Variants in VSIG10 observed in about 807,000 individuals in gnomAD.
The protein encoded by VSIG10 is V-set and immunoglobulin domain-containing protein 10.
Under a neutral mutation model 58.7 loss-of-function variants are expected in VSIG10, and 48 were observed. The observed-to-expected ratio is 0.82, with a 90% CI of 0.65 to 1.04. The LOEUF is 1.04. Among genes scored for constraint, VSIG10 ranks in the 50% least tolerant of loss-of-function variants. VSIG10 has a pLI of 0.00. For synonymous variants in VSIG10, 260 were observed against 267.1 expected (o/e 0.97, Z 0.26); for missense variants, 628 against 670.0 (o/e 0.94, Z 0.69).
rs781704754 is a variant in VSIG10 at position 118,103,658 on chromosome 12, C to T, written c.14G>A (p.Gly5Asp). Reference protein sequence around the residue: MAAGGSAPEPRVLVC... With the variant: MAAGDSAPEPRVLVC... Reference sequence around the variant, plus strand: ...GAGGACGCGGGGCTCGGGCGCACTGCCGCCTGCGGCCATCTCGCCCCAGAT... The same window carrying T: ...GAGGACGCGGGGCTCGGGCGCACTGTCGCCTGCGGCCATCTCGCCCCAGAT... The change falls in exon 1 of 9, where the codon GGC becomes GAC. Residue 5 changes from glycine (G) to aspartate (D), a missense_variant. Coordinates refer to ENST00000359236, the MANE Select transcript of VSIG10 (RefSeq NM_019086.6). 1.1e-5 allele frequency: 17 copies of T among 1,497,588 alleles called. No individual in the cohort carries two copies. Among genetic ancestry groups the T allele is most frequent in the Non-Finnish European group, 1.4e-5 (16 of 1,128,886 alleles). The allele number at this position is 1,497,588 out of a possible 1,614,324, so 92.8% of individuals were successfully genotyped here. A position where few individuals can be genotyped will look rare whatever the true frequency, so the allele number is the denominator to read the frequency against.
intron 2 of VSIG10, among the ~76,000 whole-genome samples, chr12:118,084,383 A>C (rs551675856): frequency 1.3e-5 from 2 of 152,202 alleles, no homozygotes; most frequent in African/African-American, 4.8e-5. Context: ...AAATGACTTC[A>C]GAATGCACCA....
intron 2 of VSIG10, among the ~76,000 whole-genome samples, chr12:118,087,077 G>GAA (rs112904270): frequency 4.8e-5 from 5 of 104,128 alleles, no homozygotes; most frequent in Non-Finnish European, 6.2e-5. Flanking sequence ...TTTAAAAATT[G>GAA]AAAAAAAAAA....
intron 2 of VSIG10, among the ~76,000 whole-genome samples, chr12:118,085,540 T>A (rs571520479): frequency 1.3e-5 from 2 of 152,242 alleles, no homozygotes; most frequent in South Asian, 4.1e-4. Context: ...AATGCATATA[T>A]AAGAGACAAT....
intron 1 of VSIG10, among the ~76,000 whole-genome samples, chr12:118,097,342 C>T (rs968878112): frequency 2.6e-5 from 4 of 152,084 alleles, no homozygotes; most frequent in Non-Finnish European, 5.9e-5. Flanking sequence ...GGCCGGGAGC[C>T]GTGGCTCATG....
intron 2 of VSIG10, among the ~76,000 whole-genome samples, chr12:118,086,861 A>G (rs916863849): frequency 4.6e-5 from 7 of 152,162 alleles, no homozygotes; most frequent in Non-Finnish European, 4.4e-5. Flanking sequence ...CCTGGGTTCA[A>G]ATGATTCTCC....
chr12:118,089,364 A>G (rs1473469084), intron 2 of VSIG10, among the ~76,000 whole-genome samples: 1 of 146,576 alleles, frequency 6.8e-6, no homozygotes, highest in African/African-American at 2.4e-5. Flanking sequence ...AACTTAGCCA[A>G]TGATTAACAA....
intron 1 of VSIG10, among the ~76,000 whole-genome samples, 157 bp downstream of exon 1, chr12:118,103,436 G>A (rs542917232): frequency 6.6e-6 from 1 of 152,244 alleles, no homozygotes; most frequent in South Asian, 2.1e-4. Flanking sequence ...AAAGACGGCC[G>A]AGCTGCGAGC....
At chr12:118,074,675 C>T (rs1253746670) in intron 4 of VSIG10, among the ~76,000 whole-genome samples, 1 of 151,994 alleles carries the variant, frequency 6.6e-6, no homozygotes, top group Admixed American at 6.6e-5. Flanking sequence ...GACGGGGTTT[C>T]ACCATATTGG....
chr12:118,075,178 A>G (rs1004458067), intron 4 of VSIG10, among the ~76,000 whole-genome samples: 1 of 108,406 alleles, frequency 9.2e-6, no homozygotes, highest in African/African-American at 3.8e-5. Context: ...ATATGTATAT[A>G]TGTGTGTATA....
chr12:118,103,467 G>T, intron 1 of VSIG10, 126 bp downstream of exon 1: 1 of 983,964 alleles, frequency 1.0e-6, no homozygotes, highest in South Asian at 1.9e-5. Context: ...GACCCTCCTG[G>T]GGCAGCTTCT....
intron 1 of VSIG10, among the ~76,000 whole-genome samples, 188 bp downstream of exon 1, chr12:118,103,405 C>T (rs2033670664): frequency 6.6e-6 from 1 of 152,148 alleles, no homozygotes; most frequent in Non-Finnish European, 1.5e-5. Flanking sequence ...GCACCGGGCG[C>T]CCGGGAAAAC....
At chr12:118,074,074 T>C (rs1246608761) in intron 4 of VSIG10, 82 bp from the exon 5 acceptor site, 3 of 1,461,956 alleles carry the variant, frequency 2.1e-6, no homozygotes, top group Admixed American at 4.9e-5. Context: ...ACTGCAGTAG[T>C]TTTTTGTTTT....
In VSIG10 at chr12:118,066,531, G is replaced by A. The variant is rs372708606; in HGVS notation, c.*108C>T. 5.6e-6 allele frequency: 7 copies of A among 1,244,362 alleles called. No homozygotes were observed. The African/African-American group carries it at 7.4e-5, about 13-fold the overall frequency. The allele number at this position is 1,244,362 out of a possible 1,614,324, so 77.1% of individuals were successfully genotyped here. A position where few individuals can be genotyped will look rare whatever the true frequency, so the allele number is the denominator to read the frequency against. ...TTGCTGAGACCCAAACATTGTTAGT[G>A]CAAGCCCCCGCCAGGGGTGCAGGTG... On this transcript the variant is annotated 3_prime_UTR_variant, in exon 9 of 9. Coordinates refer to ENST00000359236, the MANE Select transcript of VSIG10 (RefSeq NM_019086.6).
At position 118,068,558 on chromosome 12, in the gene VSIG10, T is replaced by C. The variant is rs752716511; in HGVS notation, c.1386A>G (p.Ser462=). The part of the protein sequence containing the change: ...NMDDVMVLVD[S]EEEEEEEEEE... ...CCTCCTCCTCCTCCTCTTCCTCTTC[T>C]GAATCCACCAAAACCATGACATCAT... Residue 462 remains serine (S), a synonymous_variant, in exon 8 of 9, where the codon TCA becomes TCG. Coordinates refer to ENST00000359236, the MANE Select transcript of VSIG10 (RefSeq NM_019086.6). 6 of 1,592,266 alleles carry C rather than the reference T, an allele frequency of 3.8e-6. No homozygotes were observed. The highest frequency in any genetic ancestry group is 3.4e-6 in the Non-Finnish European group (4 of 1,168,548).
intron 4 of VSIG10, among the ~76,000 whole-genome samples, chr12:118,075,653 C>T (rs940138931): frequency 6.6e-6 from 1 of 152,098 alleles, no homozygotes; most frequent in Non-Finnish European, 1.5e-5. Flanking sequence ...CCGTGCCTGG[C>T]CAACTCCAGA....
chr12:118,088,401 C>T (rs768636916), intron 2 of VSIG10, among the ~76,000 whole-genome samples: 3 of 152,086 alleles, frequency 2.0e-5, no homozygotes, highest in Admixed American at 6.6e-5. Flanking sequence ...AACACAAATC[C>T]GTAACTCCTT....
intron 4 of VSIG10, among the ~76,000 whole-genome samples, chr12:118,077,540 C>G (rs1363947047): frequency 6.6e-6 from 1 of 152,130 alleles, no homozygotes; most frequent in African/African-American, 2.4e-5. Flanking sequence ...TACAGACATT[C>G]TCTGACACTC....
chr12:118,072,498 G>A (rs1372810258), intron 5 of VSIG10, among the ~76,000 whole-genome samples: 1 of 151,198 alleles, frequency 6.6e-6, no homozygotes, highest in East Asian at 1.9e-4. Flanking sequence ...GAGGGGAGGG[G>A]AGGGAAAGAA....
Position 118,063,667 on chromosome 12 carries a change from C to T in VSIG10, c.*2972G>A, listed in dbSNP as rs1413312067. 1 of 152,078 alleles carries T rather than the reference C, an allele frequency of 6.6e-6. No individual in the cohort carries two copies. The highest frequency in any genetic ancestry group is 1.5e-5 in the Non-Finnish European group (1 of 68,022). 9.4% of individuals were successfully genotyped at this position (152,078 alleles called of 1,614,324 possible). On this transcript the variant is annotated 3_prime_UTR_variant, in exon 9 of 9. Coordinates refer to ENST00000359236, the MANE Select transcript of VSIG10 (RefSeq NM_019086.6). ...AACCTCAGAACTAATTTCTCCCAAC[C>T]TCCCCCCACCACATCTTAAAATGTA...
Sources: gnomAD v4.1 joint callset for allele counts (sites outside exome capture counted in the v4.1 genomes callset) on GRCh38, gnomAD v4.1.1 for gene constraint, MANE v1.5 for transcripts, NCBI Gene and HGNC (gene_info 2026-07-23, HGNC 2026-07-21) for gene names.